EPHA6: variants seen among roughly 807,000 people sequenced by gnomAD.
The protein encoded by EPHA6 is EPH receptor A6, also known as ephrin type-A receptor 6.
EPHA6 carries 50 observed loss-of-function variants against 112.0 expected under a neutral mutation model. The observed-to-expected ratio is 0.45, with a 90% CI of 0.36 to 0.56. The LOEUF is 0.56. Ranked by LOEUF, EPHA6 falls within the 20% of genes least tolerant of loss-of-function variation. The probability of loss-of-function intolerance (pLI) is 0.00; values close to 1 mark genes in which losing one functional copy is unlikely to be tolerated. For synonymous variants in EPHA6, 529 were observed against 490.7 expected, an observed-to-expected ratio of 1.08 and a Z score of -1.03; for missense variants, 1,280 against 1,417.4, an observed-to-expected ratio of 0.90 and a Z score of 1.56.
At position 97,422,300 on chromosome 3, in the gene EPHA6, C is replaced by T. The variant is rs140637799; in HGVS notation, c.1731+17026C>T. Among the ~76,000 whole-genome samples the T allele has an allele frequency of 2.6e-5, 4 of 152,082 alleles. 1 individual carries two copies. In the East Asian group the frequency reaches 7.7e-4, roughly 29 times the overall value. The stretch of plus-strand genomic sequence containing the variant: ...TGTAAAACTATTAGAAAAAGAACAA[C>T]AAGCCAATTGAAAACCTTATGTAAG... On this transcript the variant is annotated intron_variant, in intron 6 of 17. Transcript: ENST00000389672.
chr3:97,166,492 A>T (rs2076546634), intron 3 of EPHA6, among the ~76,000 whole-genome samples: 1 of 152,144 alleles, frequency 6.6e-6, no homozygotes, highest in Non-Finnish European at 1.5e-5. Flanking sequence ...GGAAAGTCAA[A>T]TTAAAATAGA....
chr3:97,077,255 G>T (rs1334932878), intron 3 of EPHA6, among the ~76,000 whole-genome samples: 1 of 152,098 alleles, frequency 6.6e-6, no homozygotes, highest in East Asian at 1.9e-4. Context: ...GGAGTTGGAA[G>T]AAGTTGATTC....
intron 5 of EPHA6, among the ~76,000 whole-genome samples, chr3:97,317,765 C>A (rs1192190596): frequency 1.3e-5 from 2 of 151,922 alleles, no homozygotes; most frequent in African/African-American, 4.8e-5. Context: ...ATAGAAATTT[C>A]TGGGTCTTCT....
chr3:97,010,642 T>TA (rs1031739196), intron 3 of EPHA6, among the ~76,000 whole-genome samples: 1 of 152,140 alleles, frequency 6.6e-6, no homozygotes, highest in African/African-American at 2.4e-5. Context: ...TTATCTTATT[T>TA]AAAAAAATTA....
At chr3:97,070,922 T>C (rs2046329920) in intron 3 of EPHA6, among the ~76,000 whole-genome samples, 1 of 152,124 alleles carries the variant, frequency 6.6e-6, no homozygotes, top group Non-Finnish European at 1.5e-5. Context: ...ATTATTTAAC[T>C]GGCCTAACAA....
chr3:97,060,303 G>T (rs917646158), intron 3 of EPHA6, among the ~76,000 whole-genome samples: 1 of 152,040 alleles, frequency 6.6e-6, no homozygotes, highest in Non-Finnish European at 1.5e-5. Context: ...AGTAACATTT[G>T]AATTAATATT....
chr3:97,486,373 C>T (rs148490470), intron 10 of EPHA6, among the ~76,000 whole-genome samples: 3 of 152,320 alleles, frequency 2.0e-5, no homozygotes, highest in African/African-American at 7.2e-5. Flanking sequence ...CGCCCCTGGC[C>T]GTACTGCTCT....
chr3:97,433,374 A>AT lies in EPHA6; in HGVS notation c.1732-15186dup, dbSNP rs545806654. Among the ~76,000 whole-genome samples, 737 of 151,998 alleles carry AT rather than the reference A, an allele frequency of 4.8e-3. 2 individuals are homozygous for AT. Among genetic ancestry groups the AT allele is most frequent in the Non-Finnish European group, 7.7e-3 (523 of 67,948 alleles). On this transcript the variant is annotated intron_variant, in intron 6 of 17. Transcript: ENST00000389672. The stretch of plus-strand genomic sequence containing the variant: ...CAAAATATAATCTTTTTAAACCTTA[A>AT]TTTTTTTTGGACATAGGCAAATCTC...
intron 14 of EPHA6, among the ~76,000 whole-genome samples, chr3:97,649,751 A>G (rs2094094115): frequency 1.4e-5 from 2 of 144,104 alleles, no homozygotes; most frequent in Admixed American, 6.9e-5. Flanking sequence ...GGAAAAAACA[A>G]CAAAATCACT....
intron 5 of EPHA6, among the ~76,000 whole-genome samples, chr3:97,256,966 C>T (rs985518514): frequency 6.6e-6 from 1 of 151,802 alleles, no homozygotes; most frequent in Non-Finnish European, 1.5e-5. Context: ...CCTATGAGAG[C>T]ATAAAAAATT....
At chr3:97,657,217 G>A (rs535231985) in intron 14 of EPHA6, among the ~76,000 whole-genome samples, 2 of 151,688 alleles carry the variant, frequency 1.3e-5, no homozygotes, top group African/African-American at 4.8e-5. Flanking sequence ...TTTTCTAAAG[G>A]CTCTTTTTTT....
intron 5 of EPHA6, among the ~76,000 whole-genome samples, chr3:97,322,520 G>A (rs542863833): frequency 1.3e-5 from 2 of 151,892 alleles, no homozygotes; most frequent in Admixed American, 6.6e-5. Context: ...TCTGGGTTTC[G>A]TGTTTGCAAG....
At chr3:97,623,231 C>T (rs2077177832) in intron 13 of EPHA6, among the ~76,000 whole-genome samples, 1 of 151,628 alleles carries the variant, frequency 6.6e-6, no homozygotes, top group Non-Finnish European at 1.5e-5. Flanking sequence ...AGTTTTATAA[C>T]TTGAGGTCTT....
chr3:96,952,474 T>G (rs2107724637), intron 2 of EPHA6, among the ~76,000 whole-genome samples: 1 of 152,262 alleles, frequency 6.6e-6, no homozygotes, highest in African/African-American at 2.4e-5. Context: ...TATAAAGAGG[T>G]TTGGCCCTCT....
At chr3:97,592,514 T>G (rs1051976412) in intron 11 of EPHA6, 98 bp from the exon 12 acceptor site, 6 of 1,397,456 alleles carry the variant, frequency 4.3e-6, no homozygotes, top group East Asian at 2.4e-5. Context: ...TTCGTAAAAT[T>G]TGATGTCTTT....
intron 14 of EPHA6, among the ~76,000 whole-genome samples, chr3:97,654,995 G>A (rs1240913683): frequency 6.6e-6 from 1 of 151,216 alleles, no homozygotes; most frequent in African/African-American, 2.4e-5. Flanking sequence ...AGGAAATGAT[G>A]GTGCCTTAGT....
Position 97,202,668 on chromosome 3 carries a change from A to G in EPHA6, c.1115-23596A>G, listed in dbSNP as rs141249946. Among the ~76,000 whole-genome samples, 913 of 152,188 alleles carry G rather than the reference A, an allele frequency of 6.0e-3. 3 individuals are homozygous for G. The highest frequency in any genetic ancestry group is 0.021 in the African/African-American group (856 of 41,544). ...TCTTCTTTAGTGAATAGTAATAACA[A>G]TTTACCCATAATTGGGCTGGAAGAT... On this transcript the variant is annotated intron_variant, in intron 3 of 17. Coordinates refer to ENST00000389672, the MANE Select transcript of EPHA6 (RefSeq NM_001080448.3).
In EPHA6 at chr3:97,599,028, AT is replaced by A. The variant is rs1479555592; in HGVS notation, c.2512+6297del. ...TCTCTGATGACCAGTGATGATGAGC[AT>A]TTTTTCATGTGTTTTTTGGCTGCAT... On this transcript the variant is annotated intron_variant, in intron 12 of 17. Transcript: ENST00000389672. 4.0e-3 allele frequency among the ~76,000 whole-genome samples: 606 copies of A among 151,902 alleles called. 5 individuals carry two copies. The highest frequency in any genetic ancestry group is 0.013 in the African/African-American group (544 of 41,438).
In EPHA6 at chr3:96,839,293, ATTC is replaced by A. The variant is rs879634730; in HGVS notation, c.385+24287_385+24289del. ...CCCGTTAGATCAGTGGTGGCACTAG[ATTC>A]TCATAGGAGCGTGAACCCTATTGTG... On this transcript the variant is annotated intron_variant, in intron 1 of 17. Coordinates refer to ENST00000389672, the MANE Select transcript of EPHA6 (RefSeq NM_001080448.3). 3.9e-3 allele frequency among the ~76,000 whole-genome samples: 597 copies of A among 152,148 alleles called. 4 individuals are homozygous for A. Among genetic ancestry groups the A allele is most frequent in the Non-Finnish European group, 6.7e-3 (457 of 67,984 alleles).
Sources: allele counts gnomAD v4.1 joint callset (sites outside exome capture counted in the v4.1 genomes callset), GRCh38; gene constraint gnomAD v4.1.1; transcripts MANE v1.5; gene names NCBI Gene and HGNC (gene_info 2026-07-23, HGNC 2026-07-21).